BABAM1: variants seen among roughly 807,000 people sequenced by gnomAD.
BABAM1 encodes the protein BRISC and BRCA1-A complex member 1.
A neutral mutation model predicts 34.4 loss-of-function variants in BABAM1; 14 were observed. The ratio of observed to expected loss-of-function variants is 0.41; its 90% CI spans 0.27 to 0.64. BABAM1 has a LOEUF of 0.64. BABAM1 is among the 30% of genes least tolerant of loss of function. The probability of loss-of-function intolerance (pLI) is 0.34; values close to 1 mark genes in which losing one functional copy is unlikely to be tolerated. For missense variants in BABAM1, 393 were observed against 434.0 expected (o/e 0.91, Z 0.84); for synonymous variants, 169 against 165.8 (o/e 1.02, Z -0.15).
In BABAM1 at chr19:17,279,073, C is replaced by G; in HGVS notation, c.*25C>G. 4 of 1,590,220 alleles carry G rather than the reference C, an allele frequency of 2.5e-6. No homozygotes were observed. The highest frequency in any genetic ancestry group is 3.4e-6 in the Non-Finnish European group (4 of 1,164,978). ...AACCATCCCTGTACATCTGCACCTT[C>G]TTGTGCAAGGAAGTCCTTGGCCTAA... On this transcript the variant is annotated 3_prime_UTR_variant, in exon 9 of 9. Coordinates refer to ENST00000598188, the MANE Select transcript of BABAM1 (RefSeq NM_014173.4).
At chr19:17,276,112 C>T (rs1157882949) in intron 6 of BABAM1, among the ~76,000 whole-genome samples, 4 of 152,002 alleles carry the variant, frequency 2.6e-5, no homozygotes, top group Non-Finnish European at 5.9e-5. Flanking sequence ...TTTGGGAGGC[C>T]GAGGCGGGCA....
intron 5 of BABAM1, among the ~76,000 whole-genome samples, chr19:17,274,886 G>A (rs776422074): frequency 6.6e-6 from 1 of 152,130 alleles, no homozygotes; most frequent in Non-Finnish European, 1.5e-5. Context: ...TTTGAGGAGA[G>A]TGGCCCCAGC....
In BABAM1 at chr19:17,276,769, G is replaced by A. The variant is rs769543927; in HGVS notation, c.700-54G>A. 7.0e-6 allele frequency: 11 copies of A among 1,565,072 alleles called. No homozygotes were observed. In the South Asian group the frequency reaches 1.2e-4, roughly 17 times the overall value. On this transcript the variant is annotated intron_variant, in intron 7 of 8. Transcript: ENST00000598188. ...GCAGAAATGGGGGAGCTATAGTCATGGGGCACGGGGTGACCCAAGCCCCAG... is the reference window on the plus strand; with the variant it reads ...GCAGAAATGGGGGAGCTATAGTCATAGGGCACGGGGTGACCCAAGCCCCAG...
In BABAM1 at chr19:17,276,584, C is replaced by T; in HGVS notation, c.659C>T (p.Pro220Leu). ...CGCACCATCCTTGTCTACAGCCGTC[C>T]ACCTTGCCAGCCCCAGTTCTCCTTG... ...VVRTILVYSR[P>L]PCQPQFSLTE... The change falls in exon 7 of 9, where the codon CCA becomes CTA. Residue 220 changes from proline to leucine, a missense_variant. Physicochemically the swap from Pro to Leu is moderately conservative, Grantham distance 98. Coordinates refer to ENST00000598188, the MANE Select transcript of BABAM1 (RefSeq NM_014173.4). 6.2e-7 allele frequency: 1 copy of T among 1,606,768 alleles called. No homozygotes were observed. The highest frequency in any genetic ancestry group is 8.5e-7 in the Non-Finnish European group (1 of 1,176,788).
chr19:17,271,109 C>G (rs1225814567), intron 2 of BABAM1, among the ~76,000 whole-genome samples: 1 of 151,976 alleles, frequency 6.6e-6, no homozygotes, highest in Non-Finnish European at 1.5e-5. Context: ...TTGGTTTAGC[C>G]TCCTGAGTAG....
intron 5 of BABAM1, 37 bp from the exon 6 acceptor site, chr19:17,275,764 C>T (rs200472252): frequency 2.8e-4 from 450 of 1,613,288 alleles, no homozygotes; most frequent in Non-Finnish European, 3.6e-4. Flanking sequence ...CCCGCTCACT[C>T]GTGCTCTACT....
At chr19:17,269,574 C>T (rs1232235675) in intron 2 of BABAM1, among the ~76,000 whole-genome samples, 2 of 151,996 alleles carry the variant, frequency 1.3e-5, no homozygotes, top group African/African-American at 2.4e-5. Flanking sequence ...TGGTCTCGAA[C>T]TCTTGACCTT....
chr19:17,267,767 A>C (rs1171947419), intron 1 of BABAM1, among the ~76,000 whole-genome samples: 1 of 152,226 alleles, frequency 6.6e-6, no homozygotes, highest in African/African-American at 2.4e-5. Flanking sequence ...AAACTGCTCC[A>C]TTCGCGTCCT....
chr19:17,272,331 A>G (rs548221738), intron 3 of BABAM1, among the ~76,000 whole-genome samples: 5 of 152,220 alleles, frequency 3.3e-5, no homozygotes, highest in Admixed American at 2.6e-4. Context: ...CTTGATCCCA[A>G]GAGTTTGAGG....
chr19:17,278,340 G>A (rs1199786181), intron 8 of BABAM1, among the ~76,000 whole-genome samples: 2 of 145,398 alleles, frequency 1.4e-5, no homozygotes, highest in South Asian at 2.2e-4. Context: ...GCGGAGTCTC[G>A]CTCTGTCGCC....
At chr19:17,267,724 C>T (rs2073785092) in intron 1 of BABAM1, among the ~76,000 whole-genome samples, 197 bp downstream of exon 1, 2 of 152,228 alleles carry the variant, frequency 1.3e-5, no homozygotes, top group Non-Finnish European at 2.9e-5. Flanking sequence ...CAAAGACCAT[C>T]TTGGGAAGCC....
At position 17,268,839 on chromosome 19, in the gene BABAM1, A is replaced by AGAGGAG. The variant is rs748337921; in HGVS notation, c.42_47dup (p.Glu17_Glu18dup). The AGAGGAG allele has an allele frequency of 1.4e-5, 22 of 1,610,406 alleles. No homozygotes were observed. The Admixed American group carries it at 3.0e-4, about 22-fold the overall frequency. ...TGGCAGAGCCCAGCAGCCCCACTGAAGAGGAGGAGGAGGAAGAGGAGCACT... is the reference window on the plus strand; with the variant it reads ...TGGCAGAGCCCAGCAGCCCCACTGAAGAGGAGGAGGAGGAGGAGGAAGAGGAGCACT... On this transcript the variant is annotated inframe_insertion, in exon 2 of 9. Coordinates refer to ENST00000598188, the MANE Select transcript of BABAM1 (RefSeq NM_014173.4).
intron 3 of BABAM1, among the ~76,000 whole-genome samples, chr19:17,273,341 T>G (rs943469459): frequency 2.0e-5 from 3 of 152,112 alleles, no homozygotes; most frequent in South Asian, 2.1e-4. Context: ...CATTCACAAC[T>G]GCCCATGGCT....
At chr19:17,270,339 C>T (rs968348717) in intron 2 of BABAM1, among the ~76,000 whole-genome samples, 1 of 152,054 alleles carries the variant, frequency 6.6e-6, no homozygotes, top group South Asian at 2.1e-4. Context: ...TTAGCCACCG[C>T]GCCTGGCTGT....
chr19:17,268,427 CTTTTTTTTTT>C, intron 1 of BABAM1: 1 of 128,966 alleles, frequency 7.8e-6, no homozygotes, highest in South Asian at 1.8e-4. Flanking sequence ...AGTAACCAAT[CTTTTTTTTTT>C]TTTTTTTTTT....
chr19:17,270,062 C>T (rs2145611236), intron 2 of BABAM1, among the ~76,000 whole-genome samples: 1 of 151,770 alleles, frequency 6.6e-6, no homozygotes, highest in East Asian at 1.9e-4. Context: ...TCCCGAGTAG[C>T]TGGGACTACA....
chr19:17,269,161 A>G, intron 2 of BABAM1, 70 bp downstream of exon 2: 1 of 1,449,624 alleles, frequency 6.9e-7, no homozygotes, highest in Non-Finnish European at 9.2e-7. Context: ...TGGGATTAAC[A>G]CTGCAAACAT....
intron 2 of BABAM1, among the ~76,000 whole-genome samples, chr19:17,269,413 C>T (rs1485391261): frequency 3.4e-5 from 5 of 147,002 alleles, no homozygotes; most frequent in Non-Finnish European, 7.4e-5. Context: ...TGCAATGGCA[C>T]GATCTTGGCT....
intron 8 of BABAM1, chr19:17,277,530 C>G (rs2073924836): frequency 6.5e-6 from 1 of 153,368 alleles, no homozygotes; most frequent in African/African-American, 2.4e-5. Context: ...TGCCTTTGAC[C>G]TCGCTGCACC....
Sources: gnomAD v4.1 joint callset for allele counts (sites outside exome capture counted in the v4.1 genomes callset) on GRCh38, gnomAD v4.1.1 for gene constraint, MANE v1.5 for transcripts, NCBI Gene and HGNC (gene_info 2026-07-23, HGNC 2026-07-21) for gene names.